DCDC2: variants seen among roughly 807,000 people sequenced by gnomAD.
DCDC2 encodes doublecortin domain-containing protein 2.
A neutral mutation model predicts 50.2 loss-of-function variants in DCDC2; 40 were observed. The observed-to-expected ratio is 0.80, with a 90% CI of 0.62 to 1.04. The LOEUF is 1.04. DCDC2 is among the 50% of genes least tolerant of loss of function. The pLI, the probability that DCDC2 is intolerant of heterozygous loss-of-function variation, is 0.00. For synonymous variants in DCDC2, 234 were observed against 210.6 expected (o/e 1.11, Z -0.96); for missense variants, 570 against 581.9 (o/e 0.98, Z 0.21).
At chr6:24,300,369 G>A (rs371780612) in intron 4 of DCDC2, among the ~76,000 whole-genome samples, 10 of 152,246 alleles carry the variant, frequency 6.6e-5, no homozygotes, top group South Asian at 4.1e-4. Context: ...GTGACACAGC[G>A]AGACCCTGTC....
intron 2 of DCDC2, among the ~76,000 whole-genome samples, chr6:24,346,849 T>C (rs1760266974): frequency 6.6e-6 from 1 of 151,740 alleles, no homozygotes; most frequent in Admixed American, 6.6e-5. Flanking sequence ...GTTGATGAGG[T>C]CTTAAACAGA....
chr6:24,374,439 G>A, the DCDC2 span, among the ~76,000 whole-genome samples: 5 of 151,870 alleles, frequency 3.3e-5, no homozygotes, highest in African/African-American at 7.3e-5. Flanking sequence ...TATTAGCCAG[G>A]CATGGTGGCT....
chr6:24,353,234 C>T (rs991538200), intron 2 of DCDC2: 9 of 469,708 alleles, frequency 1.9e-5, no homozygotes, highest in African/African-American at 1.8e-4. Flanking sequence ...GAGGATGTAG[C>T]TTTGGTAAAG....
intron 7 of DCDC2, among the ~76,000 whole-genome samples, chr6:24,234,801 T>C (rs1324195027): frequency 2.0e-5 from 3 of 152,212 alleles, no homozygotes; most frequent in African/African-American, 7.2e-5. Context: ...TGTACACCAC[T>C]GTCCAAGTGT....
intron 8 of DCDC2, among the ~76,000 whole-genome samples, chr6:24,193,822 T>C (rs1409798729): frequency 6.6e-6 from 1 of 151,998 alleles, no homozygotes; most frequent in Admixed American, 6.6e-5. Flanking sequence ...TCATCTTCCA[T>C]AGTAATTACA....
intron 4 of DCDC2, among the ~76,000 whole-genome samples, chr6:24,297,905 T>G (rs1033769424): frequency 6.6e-6 from 1 of 152,126 alleles, no homozygotes; most frequent in Non-Finnish European, 1.5e-5. Context: ...GCATTAAAAT[T>G]TAAGATATTT....
chr6:24,374,304 A>T, the DCDC2 span, among the ~76,000 whole-genome samples: 1 of 152,086 alleles, frequency 6.6e-6, no homozygotes, highest in African/African-American at 2.4e-5. Flanking sequence ...GAGGTGGCTC[A>T]CACCTGTAAT....
At chr6:24,256,793 C>CT (rs1024289860) in intron 7 of DCDC2, among the ~76,000 whole-genome samples, 21 of 152,268 alleles carry the variant, frequency 1.4e-4, no homozygotes, top group Admixed American at 1.2e-3. Flanking sequence ...GTAGACAGCA[C>CT]TACACCAAGA....
At chr6:24,377,682 G>T in the DCDC2 span, among the ~76,000 whole-genome samples, 5 of 152,134 alleles carry the variant, frequency 3.3e-5, no homozygotes, top group African/African-American at 9.7e-5. Context: ...TGGCATATAG[G>T]ATTAAAAGAA....
chr6:24,232,845 A>T (rs78466585), intron 7 of DCDC2, among the ~76,000 whole-genome samples: 1 of 152,102 alleles, frequency 6.6e-6, no homozygotes, highest in Non-Finnish European at 1.5e-5. Flanking sequence ...AAAAAAAAAA[A>T]TACTTGTTTC....
At chr6:24,246,148 C>G (rs1410167693) in intron 7 of DCDC2, among the ~76,000 whole-genome samples, 1 of 151,920 alleles carries the variant, frequency 6.6e-6, no homozygotes, top group Non-Finnish European at 1.5e-5. Flanking sequence ...TTAAGAAAAT[C>G]ACCAAAAGGC....
At chr6:24,281,198 C>T (rs1763461431) in intron 6 of DCDC2, among the ~76,000 whole-genome samples, 1 of 152,106 alleles carries the variant, frequency 6.6e-6, no homozygotes, top group Non-Finnish European at 1.5e-5. Context: ...CAAATCACTA[C>T]ATAATGCATA....
chr6:24,217,295 T>C (rs922297179), intron 7 of DCDC2, among the ~76,000 whole-genome samples: 10 of 152,178 alleles, frequency 6.6e-5, no homozygotes, highest in African/African-American at 2.4e-4. Context: ...CTAGCTCAAA[T>C]ATGAAAATCA....
At chr6:24,350,685 T>C (rs1760352537) in intron 2 of DCDC2, among the ~76,000 whole-genome samples, 1 of 152,104 alleles carries the variant, frequency 6.6e-6, no homozygotes, top group Non-Finnish European at 1.5e-5. Context: ...AAACAACTCT[T>C]AACCCTCCAA....
intron 7 of DCDC2, among the ~76,000 whole-genome samples, chr6:24,242,508 C>T (rs1762584671): frequency 6.6e-6 from 1 of 152,214 alleles, no homozygotes; most frequent in Admixed American, 6.5e-5. Flanking sequence ...CCCCCCACCT[C>T]TCCGTGTCCT....
At chr6:24,221,118 C>CA (rs1376442954) in intron 7 of DCDC2, among the ~76,000 whole-genome samples, 1 of 152,094 alleles carries the variant, frequency 6.6e-6, no homozygotes, top group Non-Finnish European at 1.5e-5. Flanking sequence ...AAAAGGGGTA[C>CA]AGACCTTCTC....
chr6:24,365,130 AC>A, the DCDC2 span, among the ~76,000 whole-genome samples: 4 of 152,106 alleles, frequency 2.6e-5, no homozygotes, highest in African/African-American at 9.7e-5. Flanking sequence ...TAGGTGGCCT[AC>A]CCCAGTTGGC....
intron 7 of DCDC2, among the ~76,000 whole-genome samples, chr6:24,260,353 T>G (rs1762982641): frequency 6.6e-6 from 1 of 152,220 alleles, no homozygotes; most frequent in Non-Finnish European, 1.5e-5. Flanking sequence ...TCCAGACTAA[T>G]TCGTATCTCC....
At chr6:24,245,759 C>A (rs912611748) in intron 7 of DCDC2, among the ~76,000 whole-genome samples, 1 of 152,036 alleles carries the variant, frequency 6.6e-6, no homozygotes, top group African/African-American at 2.4e-5. Context: ...CTAAAAAGTG[C>A]ATCAAAATGA....
Sources: gnomAD v4.1 joint callset for allele counts (sites outside exome capture counted in the v4.1 genomes callset) on GRCh38, gnomAD v4.1.1 for gene constraint, MANE v1.5 for transcripts, NCBI Gene and HGNC (gene_info 2026-07-23, HGNC 2026-07-21) for gene names.